Variants in METTL17 observed in about 807,000 individuals in gnomAD.
The protein encoded by METTL17 is ribosome assembly protein METTL17, mitochondrial.
A neutral mutation model predicts 59.4 loss-of-function variants in METTL17; 49 were observed. The ratio of observed to expected loss-of-function variants is 0.82; its 90% CI spans 0.66 to 1.05. The LOEUF is 1.05. Ranked by LOEUF, METTL17 falls within the 50% of genes least tolerant of loss-of-function variation. The pLI, the probability that METTL17 is intolerant of heterozygous loss-of-function variation, is 0.00. For synonymous variants in METTL17, 208 were observed against 209.2 expected, an observed-to-expected ratio of 0.99 and a Z score of 0.05; for missense variants, 555 against 578.4, an observed-to-expected ratio of 0.96 and a Z score of 0.41.
In METTL17 at chr14:20,996,898, G is replaced by A. The variant is rs1274535877; in HGVS notation, c.*8G>A. ...GATCCCTCTGAGAGTTGATGAGGAT[G>A]TGTAACAAGTATTTTCTTCTATCGT... On this transcript the variant is annotated 3_prime_UTR_variant, in exon 14 of 14. Coordinates refer to ENST00000339374, the MANE Select transcript of METTL17 (RefSeq NM_022734.3). 2 of 1,597,896 alleles carry A rather than the reference G, an allele frequency of 1.3e-6. No homozygotes were observed. The highest frequency in any genetic ancestry group is 1.3e-5 in the African/African-American group (1 of 74,728).
chr14:20,992,027 T>C, intron 3 of METTL17, 97 bp from the exon 4 acceptor site: 1 of 1,096,432 alleles, frequency 9.1e-7, no homozygotes, highest in Non-Finnish European at 1.4e-6. Context: ...TTTTCTTAGG[T>C]GGAGTCGGGG....
At chr14:20,993,913 T>C (rs1309845062) in intron 6 of METTL17, 56 bp from the exon 7 acceptor site, 5 of 1,378,258 alleles carry the variant, frequency 3.6e-6, no homozygotes, top group Admixed American at 3.5e-5. Flanking sequence ...GGGCCTCTTG[T>C]AGAGATGACT....
At chr14:20,993,758 C>A in intron 6 of METTL17, 1 of 355,736 alleles carries the variant, frequency 2.8e-6, no homozygotes, top group African/African-American at 2.1e-5. Context: ...CAAGCATGAG[C>A]CACTGTGCCC....
intron 3 of METTL17, 195 bp from the exon 4 acceptor site, chr14:20,991,929 C>A: frequency 1.9e-6 from 1 of 539,308 alleles, no homozygotes; most frequent in Non-Finnish European, 3.3e-6. Context: ...AAAATGCTAT[C>A]TGATACAATC....
Position 20,995,224 on chromosome 14 carries a change from G to T in METTL17, c.936G>T (p.Leu312=). Residue 312 remains leucine (L), a synonymous_variant, in exon 10 of 14, where the codon CTG becomes CTT. Coordinates refer to ENST00000339374, the MANE Select transcript of METTL17 (RefSeq NM_022734.3). The part of the protein sequence containing the change: ...GHSLLMDARD[L]VLKGKEKSPL... The stretch of plus-strand genomic sequence containing the variant: ...GCCTTCTCATGGATGCCAGGGATCT[G>T]GTCCTTAAGGTAAGGCTTCTTCTTC... The T allele has an allele frequency of 6.2e-7, 1 of 1,614,034 alleles. No individual in the cohort carries two copies. The highest frequency in any genetic ancestry group is 1.1e-5 in the South Asian group (1 of 91,082).
rs1956994494 is a variant in METTL17, at chr14:20,993,110, T to G, written c.529-8T>G. On this transcript the variant is annotated splice_polypyrimidine_tract_variant and splice_region_variant and intron_variant, in intron 5 of 13. Transcript: ENST00000339374. ...TACCCTACTGTGGGATGTTGTATAT[T>G]TCTTCAGATCCGGGCTCGAAATCCA... 1.2e-6 allele frequency: 2 copies of G among 1,613,898 alleles called. No individual in the cohort carries two copies. The highest frequency in any genetic ancestry group is 1.1e-5 in the South Asian group (1 of 91,070).
Position 20,996,845 on chromosome 14 carries a change from G to T in METTL17, c.1326G>T (p.Pro442=), listed in dbSNP as rs764960788. The T allele has an allele frequency of 6.2e-7, 1 of 1,613,590 alleles. No homozygotes were observed. The highest frequency in any genetic ancestry group is 2.2e-5 in the East Asian group (1 of 44,880). ...GAGATCTTTTACCTGTGCTTACTCC[G>T]TCTGCGTTTCCTCCATCTACGGCTC... is the stretch of plus-strand genomic sequence containing the variant. ...SWGDLLPVLT[P]SAFPPSTAQD... Residue 442 remains proline (P), a synonymous_variant, in exon 14 of 14, where the codon CCG becomes CCT. Coordinates refer to ENST00000339374, the MANE Select transcript of METTL17 (RefSeq NM_022734.3).
In METTL17 at chr14:20,996,681, A is replaced by AT; in HGVS notation, c.1236dup (p.Ala413CysfsTer43). Reference sequence around the variant, plus strand: ...TGCTGTCCAGATGGGCACATGCAGCATGCTGTGCTCACAGCCCGCCGGCAC... The same window carrying AT: ...TGCTGTCCAGATGGGCACATGCAGCATTGCTGTGCTCACAGCCCGCCGGCAC... On this transcript the variant is annotated frameshift_variant, in exon 13 of 14. Coordinates refer to ENST00000339374, the MANE Select transcript of METTL17 (RefSeq NM_022734.3). LOFTEE classifies it high-confidence loss of function. 6.2e-7 allele frequency: 1 copy of AT among 1,614,254 alleles called. No individual in the cohort carries two copies. Among genetic ancestry groups the AT allele is most frequent in the African/African-American group, 1.3e-5 (1 of 75,078 alleles).
rs774053473 is a variant in METTL17, at chr14:20,996,652, C to T, written c.1206C>T (p.His402=). The T allele has an allele frequency of 1.9e-6, 3 of 1,614,242 alleles. No individual in the cohort carries two copies. Among genetic ancestry groups the T allele is most frequent in the Admixed American group, 3.3e-5 (2 of 60,032 alleles). ...AACGGCCTCGCCATGTGCATTGTCA[C>T]TTGTGCTGTCCAGATGGGCACATGC... is the stretch of plus-strand genomic sequence containing the variant. ...VLKRPRHVHC[H]LCCPDGHMQH... Residue 402 remains histidine (H), a synonymous_variant, in exon 13 of 14, where the codon CAC becomes CAT. Coordinates refer to ENST00000339374, the MANE Select transcript of METTL17 (RefSeq NM_022734.3).
Position 20,996,271 on chromosome 14 carries a change from C to G in METTL17, c.1059C>G (p.Tyr353Ter). The change falls in exon 12 of 14, where the codon TAC becomes TAG. Residue 353 changes from tyrosine (Y) to a stop codon, truncating the protein, a stop_gained. Coordinates refer to ENST00000339374, the MANE Select transcript of METTL17 (RefSeq NM_022734.3). LOFTEE classifies it high-confidence loss of function. The part of the protein sequence containing the change: ...TNLACSFSQA[Y>*]HPIPFSWNKK... Reference sequence around the variant, plus strand: ...TGGCCTGTAGCTTCTCACAGGCGTACCATCCCATCCCCTTCAGCTGGGTAG... The same window carrying G: ...TGGCCTGTAGCTTCTCACAGGCGTAGCATCCCATCCCCTTCAGCTGGGTAG... The G allele has an allele frequency of 6.2e-7, 1 of 1,614,088 alleles. No homozygotes were observed. Among genetic ancestry groups the G allele is most frequent in the Non-Finnish European group, 8.5e-7 (1 of 1,179,984 alleles).
At chr14:20,993,285 G>A (rs377587884) in intron 6 of METTL17, 94 bp downstream of exon 6, 1 of 1,031,494 alleles carries the variant, frequency 9.7e-7, no homozygotes, top group South Asian at 1.3e-5. Flanking sequence ...AAAACCAGAG[G>A]GAGAATAGGC....
At chr14:20,991,782 G>A in intron 3 of METTL17, 1 of 225,870 alleles carries the variant, frequency 4.4e-6, no homozygotes, top group Non-Finnish European at 8.7e-6. Flanking sequence ...GCCTGCCTCA[G>A]CCTCCCAAAG....
chr14:20,993,046 C>T, intron 5 of METTL17, 72 bp from the exon 6 acceptor site: 1 of 1,312,984 alleles, frequency 7.6e-7, no homozygotes, highest in Non-Finnish European at 1.1e-6. Context: ...TGATAGCCTC[C>T]TAATTCACAT....
In METTL17 at chr14:20,990,361, C is replaced by T. The variant is rs780226255; in HGVS notation, c.207C>T (p.Asn69=). The change falls in exon 2 of 14, where the codon AAC becomes AAT. Residue 69 remains asparagine (N), a synonymous_variant. Transcript: ENST00000339374. The stretch of plus-strand genomic sequence containing the variant: ...TGCGGCTGCCACAGGCACTGGCTAA[C>T]GGTGCCCAGTTATTGCTACTTGGTG... ...PHVRLPQALA[N]GAQLLLLGSA... is the part of the protein sequence containing the mutation. 1 of 1,614,224 alleles carries T rather than the reference C, an allele frequency of 6.2e-7. No homozygotes were observed. Among genetic ancestry groups the T allele is most frequent in the East Asian group, 2.2e-5 (1 of 44,888 alleles).
intron 7 of METTL17, 62 bp downstream of exon 7, chr14:20,994,125 GT>G (rs1185112736): frequency 1.5e-5 from 18 of 1,178,428 alleles, no homozygotes; most frequent in African/African-American, 3.0e-5. Context: ...ACTAGTAAAA[GT>G]GTTTTACTGG....
intron 5 of METTL17, 125 bp downstream of exon 5, chr14:20,992,747 C>A (rs1346244346): frequency 1.1e-5 from 8 of 720,802 alleles, no homozygotes; most frequent in Non-Finnish European, 1.9e-5. Flanking sequence ...AGGATCTCCG[C>A]TGGACATAGT....
rs1880251211 is a variant in METTL17 at position 20,994,625 on chromosome 14, T to A, written c.768+12T>A. 1.9e-6 allele frequency: 3 copies of A among 1,612,422 alleles called. No homozygotes were observed. Among genetic ancestry groups the A allele is most frequent in the Non-Finnish European group, 2.5e-6 (3 of 1,178,510 alleles). On this transcript the variant is annotated intron_variant, in intron 8 of 13. Coordinates refer to ENST00000339374, the MANE Select transcript of METTL17 (RefSeq NM_022734.3). ...CTGTATCACCCAAGGCAAGTGGCAGTGTTTAGAATATTCTAAATGTGGAAT... is the reference window on the plus strand; with the variant it reads ...CTGTATCACCCAAGGCAAGTGGCAGAGTTTAGAATATTCTAAATGTGGAAT...
At position 20,990,037 on chromosome 14, in the gene METTL17, G is replaced by C. The variant is rs745516047; in HGVS notation, c.35G>C (p.Gly12Ala). The C allele has an allele frequency of 3.7e-6, 6 of 1,612,988 alleles. No individual in the cohort carries two copies. The highest frequency in any genetic ancestry group is 5.1e-6 in the Non-Finnish European group (6 of 1,179,782). ...GCACTGAAGTGTCTACTGACATTAGGAAGATGGTGCCCCGGCCTTGGAGTG... is the reference window on the plus strand; with the variant it reads ...GCACTGAAGTGTCTACTGACATTAGCAAGATGGTGCCCCGGCCTTGGAGTG... Reference protein sequence around the residue: ...AAALKCLLTLGRWCPGLGVAP... With the variant: ...AAALKCLLTLARWCPGLGVAP... Residue 12 changes from glycine to alanine, a missense_variant, in exon 1 of 14, where the codon GGA (glycine) becomes GCA (alanine). Gly to Ala is a moderately conservative substitution (Grantham distance 60, BLOSUM62 0). Coordinates refer to ENST00000339374, the MANE Select transcript of METTL17 (RefSeq NM_022734.3).
At chr14:20,992,452 T>C (rs1475000632) in intron 4 of METTL17, 89 bp from the exon 5 acceptor site, 2 of 1,142,400 alleles carry the variant, frequency 1.8e-6, no homozygotes, top group South Asian at 1.3e-5. Flanking sequence ...GGAAGAGCCC[T>C]TTCCAAGATG....
Sources: allele counts gnomAD v4.1 joint callset, GRCh38; gene constraint gnomAD v4.1.1; transcripts MANE v1.5; gene names NCBI Gene and HGNC (gene_info 2026-07-23, HGNC 2026-07-21).